CACNA1B: variants seen among roughly 807,000 people sequenced by gnomAD.
The protein encoded by CACNA1B is calcium voltage-gated channel subunit alpha1 B, also known as voltage-dependent N-type calcium channel subunit alpha-1B.
CACNA1B carries 70 observed loss-of-function variants against 247.2 expected under a neutral mutation model. That is an observed-to-expected ratio of 0.28 (90% CI 0.23 to 0.35). The LOEUF (loss-of-function observed/expected upper bound fraction) is 0.35. Ranked by LOEUF, CACNA1B falls within the 10% of genes least tolerant of loss-of-function variation. CACNA1B has a pLI of 1.00. For missense variants in CACNA1B, 2,367 were observed against 3,197.4 expected, an observed-to-expected ratio of 0.74 and a Z score of 6.26; for synonymous variants, 1,231 against 1,294.4, an observed-to-expected ratio of 0.95 and a Z score of 1.05.
At chr9:137,940,678 A>AGC (rs1172729444) in intron 6 of CACNA1B, among the ~76,000 whole-genome samples, 1 of 152,218 alleles carries the variant, frequency 6.6e-6, no homozygotes, top group Admixed American at 6.5e-5. Flanking sequence ...ACAAAATACT[A>AGC]GCTAACTGAA....
At chr9:137,920,773 C>T (rs1196937903) in intron 6 of CACNA1B, among the ~76,000 whole-genome samples, 1 of 152,212 alleles carries the variant, frequency 6.6e-6, no homozygotes. Context: ...CATTTTGATG[C>T]TAGCACAAAC....
intron 3 of CACNA1B, chr9:137,892,101 G>T (rs767582625): frequency 2.2e-6 from 1 of 457,042 alleles, no homozygotes; most frequent in East Asian, 6.9e-5. Flanking sequence ...CTCCCTCCCC[G>T]AGAAGTTTCC....
At chr9:138,009,409 G>A (rs1052290427) in intron 16 of CACNA1B, among the ~76,000 whole-genome samples, 5 of 152,232 alleles carry the variant, frequency 3.3e-5, no homozygotes, top group Non-Finnish European at 5.9e-5. Flanking sequence ...TGCGGGAAAA[G>A]GAAATGGAAA....
intron 5 of CACNA1B, among the ~76,000 whole-genome samples, chr9:137,916,077 G>A (rs568509506): frequency 1.4e-5 from 2 of 145,208 alleles, no homozygotes; most frequent in Non-Finnish European, 3.0e-5. Flanking sequence ...CTGTTGCCCA[G>A]GCTGGGGGGC....
At chr9:138,069,715 TA>T in intron 31 of CACNA1B, 42 bp from the exon 32 acceptor site, 1 of 1,551,306 alleles carries the variant, frequency 6.4e-7, no homozygotes, top group Non-Finnish European at 8.9e-7. Flanking sequence ...CCCCAATTTG[TA>T]AATAATATGC....
chr9:138,023,423 A>G lies in CACNA1B; in HGVS notation c.2680A>G (p.Lys894Glu). ...ERPRPHRSHS[K>E]EAAGPPEARS... ...GCCGCGGCCGCACCGCAGCCACAGC[A>G]AGGAGGCCGCGGGGCCCCCGGAGGC... Residue 894 changes from lysine to glutamate, a missense_variant, in exon 19 of 47, where the codon AAG becomes GAG. Around this residue, in one of 12 missense-constraint regions of CACNA1B, gnomAD observed 631 missense variants for 631.1 expected, o/e 1.00. Transcript: ENST00000371372. 1 of 1,287,016 alleles carries G rather than the reference A, an allele frequency of 7.8e-7. No individual in the cohort carries two copies. Among genetic ancestry groups the G allele is most frequent in the Admixed American group, 4.3e-5 (1 of 23,476 alleles). 79.7% of individuals were successfully genotyped at this position (1,287,016 alleles called of 1,614,324 possible). A position where few individuals can be genotyped will look rare whatever the true frequency, so the allele number is the denominator to read the frequency against.
At chr9:138,068,466 G>C (rs1287504745) in intron 31 of CACNA1B, 1 of 334,004 alleles carries the variant, frequency 3.0e-6, no homozygotes, top group East Asian at 7.6e-5. Flanking sequence ...AATCAGAAAA[G>C]TTGAGTCCCC....
intron 16 of CACNA1B, 108 bp from the exon 17 acceptor site, chr9:138,009,902 A>C (rs1193581058): frequency 1.2e-6 from 1 of 842,168 alleles, no homozygotes; most frequent in Non-Finnish European, 2.0e-6. Flanking sequence ...GGTAGGTGCC[A>C]AGGGAAGGAG....
rs113618619 is a variant in CACNA1B at position 138,010,970 on chromosome 9, C to T, written c.2160+893C>T. On this transcript the variant is annotated intron_variant, in intron 17 of 46. Coordinates refer to ENST00000371372, the MANE Select transcript of CACNA1B (RefSeq NM_000718.4). The surrounding 1 kb of genome is among the most constrained non-coding windows in gnomAD (Gnocchi z 5.3). ...TGCAGGTGCCCCTGCTCCCCCCAGC[C>T]GAGCTCTCCAGGAGGGGGGTGTGGT... Among the ~76,000 whole-genome samples, 1,441 of 152,278 alleles carry T rather than the reference C, an allele frequency of 9.5e-3. 9 individuals are homozygous for T. Among genetic ancestry groups the T allele is most frequent in the South Asian group, 0.014 (67 of 4,822 alleles).
In CACNA1B at chr9:138,023,759, G is replaced by A. The variant is rs1379180613; in HGVS notation, c.3016G>A (p.Ala1006Thr). 14 of 1,525,432 alleles carry A rather than the reference G, an allele frequency of 9.2e-6. No individual in the cohort carries two copies. Among genetic ancestry groups the A allele is most frequent in the Non-Finnish European group, 1.2e-5 (13 of 1,125,864 alleles). 94.5% of individuals were successfully genotyped at this position (1,525,432 alleles called of 1,614,324 possible). A position where few individuals can be genotyped will look rare whatever the true frequency, so the allele number is the denominator to read the frequency against. The change falls in exon 19 of 47, where the codon GCT becomes ACT. Residue 1006 changes from alanine (A) to threonine (T), a missense_variant. Ala to Thr is a moderately conservative substitution (Grantham distance 58, BLOSUM62 0). Coordinates refer to ENST00000371372, the MANE Select transcript of CACNA1B (RefSeq NM_000718.4). ...GGAGAAGGAGGCCACGGAGAAGGAG[G>A]CTGAGATAGTGGAAGCCGACAAGGA... ...TTEKEATEKE[A>T]EIVEADKEKE...
Position 138,073,122 on chromosome 9 carries a change from C to T in CACNA1B, c.4675-366C>T, listed in dbSNP as rs1960185965. Among the ~76,000 whole-genome samples, 1 of 152,188 alleles carries T rather than the reference C, an allele frequency of 6.6e-6. No homozygotes were observed. Among genetic ancestry groups the T allele is most frequent in the Admixed American group, 6.5e-5 (1 of 15,282 alleles). ...ACGTGGCCAGCTTGACCGTGTCCTG[C>T]AAGAGGTGGTCACTGCTGGAGGCCC... On this transcript the variant is annotated intron_variant, in intron 32 of 46. Coordinates refer to ENST00000371372, the MANE Select transcript of CACNA1B (RefSeq NM_000718.4). This position sits in a 1 kb window ranked among gnomAD's most constrained non-coding sequence, Gnocchi z 6.4.
chr9:137,886,372 C>G (rs1335146737), intron 3 of CACNA1B, among the ~76,000 whole-genome samples: 1 of 152,232 alleles, frequency 6.6e-6, no homozygotes, highest in South Asian at 2.1e-4. Flanking sequence ...AAGGCCACCA[C>G]TTCCCTGCCT....
Position 138,023,476 on chromosome 9 carries a change from C to A in CACNA1B, c.2733C>A (p.Gly911=). The A allele has an allele frequency of 8.6e-7, 1 of 1,160,944 alleles. No individual in the cohort carries two copies. The highest frequency in any genetic ancestry group is 1.1e-6 in the Non-Finnish European group (1 of 945,232). The allele number at this position is 1,160,944 out of a possible 1,614,324, so 71.9% of individuals were successfully genotyped here. Reference sequence around the variant, plus strand: ...GGAGCGAGCGCGGCCGAGGCCCAGGCCCCGAGGGCGGCCGGCGGCACCACC... The same window carrying A: ...GGAGCGAGCGCGGCCGAGGCCCAGGACCCGAGGGCGGCCGGCGGCACCACC... ...EARSERGRGP[G]PEGGRRHHRR... is the part of the protein sequence containing the mutation. The change falls in exon 19 of 47, where the codon GGC becomes GGA. Residue 911 remains glycine, a synonymous_variant. Transcript: ENST00000371372.
chr9:137,937,502 G>C (rs1018003734), intron 6 of CACNA1B, among the ~76,000 whole-genome samples: 1 of 152,102 alleles, frequency 6.6e-6, no homozygotes, highest in African/African-American at 2.4e-5. Flanking sequence ...CTAAAAATTT[G>C]GAAAATGTAT....
Position 137,899,626 on chromosome 9 carries a change from G to A in CACNA1B, c.531-13554G>A, listed in dbSNP as rs989817842. 3.9e-5 allele frequency among the ~76,000 whole-genome samples: 6 copies of A among 152,306 alleles called. No individual in the cohort carries two copies. Among genetic ancestry groups the A allele is most frequent in the African/African-American group, 7.2e-5 (3 of 41,570 alleles). On this transcript the variant is annotated intron_variant, in intron 3 of 46. Transcript: ENST00000371372. The surrounding 1 kb of genome is among the most constrained non-coding windows in gnomAD (Gnocchi z 5.0). ...GGGGAGGCCGAGGGGATGCTGTGGC[G>A]TCTTTGGCCGAGAACTGCCGGCTCT...
intron 10 of CACNA1B, among the ~76,000 whole-genome samples, chr9:137,968,723 A>T (rs1958110775): frequency 6.6e-6 from 1 of 152,216 alleles, no homozygotes; most frequent in South Asian, 2.1e-4. Flanking sequence ...TTTTGAACAA[A>T]TGGGGGTTAC....
At chr9:137,966,035 T>G (rs1483616104) in intron 10 of CACNA1B, among the ~76,000 whole-genome samples, 1 of 152,252 alleles carries the variant, frequency 6.6e-6, no homozygotes, top group Non-Finnish European at 1.5e-5. Flanking sequence ...TCTTAATCTG[T>G]GCAGTTCCTC....
chr9:137,975,251 C>T (rs182432902), intron 11 of CACNA1B, among the ~76,000 whole-genome samples: 6 of 152,166 alleles, frequency 3.9e-5, no homozygotes. Context: ...CCCGCAGGAA[C>T]CTCTGTGTGA....
At chr9:138,115,481 T>G in intron 41 of CACNA1B, 71 bp from the exon 42 acceptor site, 3 of 1,526,874 alleles carry the variant, frequency 2.0e-6, no homozygotes, top group Non-Finnish European at 2.7e-6. Context: ...TGCCACATGG[T>G]CAGAGCAGGT....
Sources: gnomAD v4.1 joint callset for allele counts (sites outside exome capture counted in the v4.1 genomes callset) on GRCh38, gnomAD v4.1.1 for gene constraint, gnomAD v4.1.1 regional missense constraint, Gnocchi (gnomAD v3.1) non-coding constraint, MANE v1.5 for transcripts, NCBI Gene and HGNC (gene_info 2026-07-23, HGNC 2026-07-21) for gene names.